The following HAPLN3 variants were observed in gnomAD, a reference collection of about 807,000 sequenced individuals.
HAPLN3 encodes the protein extracellular link domain containing, 1.
Under a neutral mutation model 28.1 loss-of-function variants are expected in HAPLN3, and 28 were observed. The observed-to-expected ratio is 1.00, with a 90% CI of 0.74 to 1.37. The LOEUF is 1.37. HAPLN3 is among the 40% of genes most tolerant of loss of function. HAPLN3 has a pLI of 0.00. For missense variants in HAPLN3, 513 were observed against 504.6 expected (o/e 1.02, Z -0.16); for synonymous variants, 211 against 213.1 (o/e 0.99, Z 0.09).
Position 88,878,186 on chromosome 15 carries a change from A to C in HAPLN3, c.867T>G (p.Asp289Glu), listed in dbSNP as rs760351121. The change falls in exon 5 of 5, where the codon GAT becomes GAG. Residue 289 changes from aspartate to glutamate, a missense_variant. Physicochemically the swap from Asp to Glu is conservative, Grantham distance 45 (BLOSUM62 2). Transcript: ENST00000359595. ...GTCCCACCTTGGCGATCGTGGCATC[A>C]TCTTCCTGGCAGGCCTCCCTTGCCT... ...LTEAREACQE[D>E]DATIAKVGQL... is the part of the protein sequence containing the mutation. The C allele has an allele frequency of 6.2e-7, 1 of 1,614,142 alleles. No homozygotes were observed. The highest frequency in any genetic ancestry group is 8.5e-7 in the Non-Finnish European group (1 of 1,180,018).
rs1294369985 is a variant in HAPLN3 at position 88,880,014 on chromosome 15, G to T, written c.494-745C>A. ...AAGGACACTTTGGAATCTCCTCCGT[G>T]TGGCCAAGGACCCAGGAACAGCCTG... On this transcript the variant is annotated intron_variant, in intron 3 of 4. Transcript: ENST00000359595. This position sits in a 1 kb window ranked among gnomAD's most constrained non-coding sequence, Gnocchi z 6.0. The T allele has an allele frequency of 1.0e-6, 1 of 994,600 alleles. No homozygotes were observed. The highest frequency in any genetic ancestry group is 1.2e-6 in the Non-Finnish European group (1 of 835,606). 61.6% of individuals were successfully genotyped at this position (994,600 alleles called of 1,614,324 possible). A position where few individuals can be genotyped will look rare whatever the true frequency, so the allele number is the denominator to read the frequency against.
In HAPLN3 at chr15:88,887,294, CCCATCTCCTCATG is replaced by C; in HGVS notation, c.-9_4del. 1 of 1,614,046 alleles carries C rather than the reference CCCATCTCCTCATG, an allele frequency of 6.2e-7. No individual in the cohort carries two copies. The highest frequency in any genetic ancestry group is 1.1e-5 in the South Asian group (1 of 91,076). On this transcript the variant is annotated start_lost and 5_prime_UTR_variant, in exon 2 of 5. Coordinates refer to ENST00000359595, the MANE Select transcript of HAPLN3 (RefSeq NM_178232.4). ...GAGCAACGGGACCAGGAGCAACAGG[CCCATCTCCTCATG>C]CCAGGGTGACCCGGGCCAGGCTGGG...
At chr15:88,887,585 A>G (rs1490214954) in intron 1 of HAPLN3, among the ~76,000 whole-genome samples, 3 of 150,976 alleles carry the variant, frequency 2.0e-5, no homozygotes, top group Non-Finnish European at 4.4e-5. Context: ...ACAAATCATA[A>G]GAAGGAAGTA....
intron 1 of HAPLN3, among the ~76,000 whole-genome samples, chr15:88,889,526 G>T (rs1345201137): frequency 2.0e-5 from 3 of 152,146 alleles, no homozygotes; most frequent in Non-Finnish European, 2.9e-5. Context: ...TGTAGAGACG[G>T]GGTTTCACCA....
rs774622777 is a variant in HAPLN3 at position 88,877,939 on chromosome 15, G to A, written c.*31C>T. The stretch of plus-strand genomic sequence containing the variant: ...ACCACTCAATAAATACACAGCCAGT[G>A]AGGGAATGCGGCAGGGGAGGGCCCC... On this transcript the variant is annotated 3_prime_UTR_variant, in exon 5 of 5. Transcript: ENST00000359595. The surrounding 1 kb of genome is among the most constrained non-coding windows in gnomAD (Gnocchi z 5.1). 1.7e-5 allele frequency: 27 copies of A among 1,556,362 alleles called. No homozygotes were observed. In the African/African-American group the frequency reaches 2.6e-4, roughly 15 times the overall value.
rs951114605 is a variant in HAPLN3, at chr15:88,880,991, C to T, written c.493+366G>A. On this transcript the variant is annotated intron_variant, in intron 3 of 4. Transcript: ENST00000359595. The surrounding 1 kb of genome is among the most constrained non-coding windows in gnomAD (Gnocchi z 6.0). ...GGCTGCCTCATTCGCTTGTGTTACCCGCTAACCTTGCTTAAATCTCAGCTC... is the reference window on the plus strand; with the variant it reads ...GGCTGCCTCATTCGCTTGTGTTACCTGCTAACCTTGCTTAAATCTCAGCTC... 2.6e-5 allele frequency among the ~76,000 whole-genome samples: 4 copies of T among 152,132 alleles called. No homozygotes were observed. The highest frequency in any genetic ancestry group is 7.2e-5 in the African/African-American group (3 of 41,416).
In HAPLN3 at chr15:88,880,129, G is replaced by T. The variant is rs1400955857; in HGVS notation, c.494-860C>A. The T allele has an allele frequency of 4.0e-6, 4 of 992,088 alleles. No homozygotes were observed. In the African/African-American group the frequency reaches 7.0e-5, roughly 17 times the overall value. The allele number at this position is 992,088 out of a possible 1,614,324, so 61.5% of individuals were successfully genotyped here. ...GCAGAGAAGCCCATGGGCCCTGACA[G>T]TCAGCTTGCAGCCTCTACGTGTGTT... On this transcript the variant is annotated intron_variant, in intron 3 of 4. Coordinates refer to ENST00000359595, the MANE Select transcript of HAPLN3 (RefSeq NM_178232.4). This position sits in a 1 kb window ranked among gnomAD's most constrained non-coding sequence, Gnocchi z 6.0.
At chr15:88,885,939 C>T (rs1051638057) in intron 2 of HAPLN3, among the ~76,000 whole-genome samples, 1 of 152,158 alleles carries the variant, frequency 6.6e-6, no homozygotes, top group Non-Finnish European at 1.5e-5. Context: ...GATCAACTCT[C>T]TGAGCCTAGT....
chr15:88,889,657 G>T (rs930342023), intron 1 of HAPLN3, among the ~76,000 whole-genome samples: 6 of 152,122 alleles, frequency 3.9e-5, no homozygotes, highest in Non-Finnish European at 5.9e-5. Flanking sequence ...CTTTGTCCTG[G>T]AGGCCAGTGA....
chr15:88,880,567 C>G lies in HAPLN3; in HGVS notation c.493+790G>C. The G allele has an allele frequency of 1.6e-6, 2 of 1,288,676 alleles. No individual in the cohort carries two copies. Among genetic ancestry groups the G allele is most frequent in the Non-Finnish European group, 2.0e-6 (2 of 988,378 alleles). 79.8% of individuals were successfully genotyped at this position (1,288,676 alleles called of 1,614,324 possible). A position where few individuals can be genotyped will look rare whatever the true frequency, so the allele number is the denominator to read the frequency against. On this transcript the variant is annotated intron_variant, in intron 3 of 4. Transcript: ENST00000359595. This position sits in a 1 kb window ranked among gnomAD's most constrained non-coding sequence, Gnocchi z 6.0. The stretch of plus-strand genomic sequence containing the variant: ...GTCACCTTCCTCTATCCCCGAACTG[C>G]CTCCCTAACATGTGGGAGAGATGTG...
Position 88,879,115 on chromosome 15 carries a change from C to G in HAPLN3, c.648G>C (p.Trp216Cys). The G allele has an allele frequency of 1.9e-6, 3 of 1,613,150 alleles. No individual in the cohort carries two copies. The highest frequency in any genetic ancestry group is 2.5e-6 in the Non-Finnish European group (3 of 1,179,706). Residue 216 changes from tryptophan to cysteine, a missense_variant, in exon 4 of 5, where the codon TGG (tryptophan) becomes TGC (cysteine). Physicochemically the swap from Trp to Cys is radical, Grantham distance 215. Coordinates refer to ENST00000359595, the MANE Select transcript of HAPLN3 (RefSeq NM_178232.4). The surrounding 1 kb of genome is among the most constrained non-coding windows in gnomAD (Gnocchi z 5.0). The part of the protein sequence containing the change: ...EEGLDWCNAG[W>C]LQDATVQYPI... ...GGTACTGCACCGTGGCATCCTGCAGCCAGCCCGCGTTGCACCAGTCCAGGC... is the reference window on the plus strand; with the variant it reads ...GGTACTGCACCGTGGCATCCTGCAGGCAGCCCGCGTTGCACCAGTCCAGGC...
intron 2 of HAPLN3, among the ~76,000 whole-genome samples, chr15:88,882,028 C>A (rs562858103): frequency 2.0e-5 from 3 of 152,190 alleles, no homozygotes; most frequent in Non-Finnish European, 2.9e-5. Context: ...TCCCAGGGGG[C>A]CTTGCTGCTT....
chr15:88,880,223 G>T lies in HAPLN3; in HGVS notation c.494-954C>A, dbSNP rs1358880862. The T allele has an allele frequency of 3.0e-6, 3 of 998,800 alleles. No homozygotes were observed. Among genetic ancestry groups the T allele is most frequent in the Non-Finnish European group, 3.6e-6 (3 of 838,476 alleles). The allele number at this position is 998,800 out of a possible 1,614,324, so 61.9% of individuals were successfully genotyped here. On this transcript the variant is annotated intron_variant, in intron 3 of 4. Transcript: ENST00000359595. The surrounding 1 kb of genome is among the most constrained non-coding windows in gnomAD (Gnocchi z 6.0). ...GCCCTTGAAGCCCCGGGAATGGGGT[G>T]AGGGCTCCCTGTTTCTCTAGGCTGC...
intron 1 of HAPLN3, among the ~76,000 whole-genome samples, chr15:88,890,816 C>T (rs1166473854): frequency 6.6e-6 from 1 of 152,222 alleles, no homozygotes; most frequent in Non-Finnish European, 1.5e-5. Context: ...CCTGGACCTC[C>T]TCCACTTGCA....
chr15:88,879,405 G>T lies in HAPLN3; in HGVS notation c.494-136C>A, dbSNP rs1235413793. 3 of 1,539,560 alleles carry T rather than the reference G, an allele frequency of 1.9e-6. No individual in the cohort carries two copies. The highest frequency in any genetic ancestry group is 2.0e-5 in the Admixed American group (1 of 51,238). On this transcript the variant is annotated intron_variant, in intron 3 of 4. Transcript: ENST00000359595. This position sits in a 1 kb window ranked among gnomAD's most constrained non-coding sequence, Gnocchi z 5.0. ...ATACACCATCCCTCAGAAAAACTCA[G>T]CAAACCTCTGACCTCCTGTCCGTTG...
chr15:88,884,769 G>T (rs889263655), intron 2 of HAPLN3, among the ~76,000 whole-genome samples: 1 of 152,046 alleles, frequency 6.6e-6, no homozygotes, highest in Admixed American at 6.6e-5. Flanking sequence ...ATGCAAATGC[G>T]CAAGTACCTG....
rs1456999357 is a variant in HAPLN3, at chr15:88,877,776, G to A, written c.*194C>T. 1 of 603,630 alleles carries A rather than the reference G, an allele frequency of 1.7e-6. No homozygotes were observed. The highest frequency in any genetic ancestry group is 1.9e-5 in the African/African-American group (1 of 53,804). The allele number at this position is 603,630 out of a possible 1,614,324, so 37.4% of individuals were successfully genotyped here. ...GCCCAGGGGAGCAAGCATGATTCCT[G>A]GAGTGGGGCATCCAGGAGCAAAGGG... On this transcript the variant is annotated 3_prime_UTR_variant, in exon 5 of 5. Transcript: ENST00000359595. The surrounding 1 kb of genome is among the most constrained non-coding windows in gnomAD (Gnocchi z 5.1).
At position 88,878,124 on chromosome 15, in the gene HAPLN3, C is replaced by T. The variant is rs765896850; in HGVS notation, c.929G>A (p.Arg310His). 3.1e-5 allele frequency: 50 copies of T among 1,613,994 alleles called. No homozygotes were observed. The Admixed American group carries it at 4.0e-4, about 13-fold the overall frequency. The change falls in exon 5 of 5, where the codon CGC (arginine) becomes CAC (histidine). Residue 310 changes from arginine to histidine, a missense_variant. Physicochemically the swap from Arg to His is conservative, Grantham distance 29. Coordinates refer to ENST00000359595, the MANE Select transcript of HAPLN3 (RefSeq NM_178232.4). ...FAAWKFHGLD[R>H]CDAGWLADGS... ...ATCTGCCAGCCAGCCAGCGTCGCAG[C>T]GGTCCAGGCCATGGAACTTCCAGGC...
At chr15:88,890,178 G>A (rs1897975129) in intron 1 of HAPLN3, among the ~76,000 whole-genome samples, 1 of 152,192 alleles carries the variant, frequency 6.6e-6, no homozygotes, top group African/African-American at 2.4e-5. Flanking sequence ...GAGAATGGAT[G>A]TAAAGAAAGT....
Sources: allele counts gnomAD v4.1 joint callset (sites outside exome capture counted in the v4.1 genomes callset), GRCh38; gene constraint gnomAD v4.1.1; non-coding constraint Gnocchi (gnomAD v3.1); transcripts MANE v1.5; gene names NCBI Gene and HGNC (gene_info 2026-07-23, HGNC 2026-07-21).